Variants in NBEA observed in about 807,000 individuals in gnomAD.
NBEA encodes lysosomal-trafficking regulator 2.
NBEA carries 44 observed loss-of-function variants against 343.4 expected under a neutral mutation model. That is an observed-to-expected ratio of 0.13 (90% confidence interval 0.10 to 0.16). The LOEUF is 0.16. NBEA is among the 10% of genes least tolerant of loss of function. The pLI is 1.00. For synonymous variants in NBEA, 1,175 were observed against 1,238.7 expected (o/e 0.95, Z 1.08); for missense variants, 2,555 against 3,631.3 (o/e 0.70, Z 7.62).
intron 38 of NBEA, among the ~76,000 whole-genome samples, chr13:35,361,989 C>T (rs1183570482): frequency 6.6e-6 from 1 of 151,744 alleles, no homozygotes; most frequent in Non-Finnish European, 1.5e-5. Flanking sequence ...TGACTGTATG[C>T]ATTTGTCAAG....
At chr13:35,135,986 C>G (rs192804150) in intron 17 of NBEA, among the ~76,000 whole-genome samples, 27 of 151,634 alleles carry the variant, frequency 1.8e-4, no homozygotes, top group Admixed American at 1.8e-3. Context: ...TTGTGGACTT[C>G]CAGATCAAGT....
intron 1 of NBEA, among the ~76,000 whole-genome samples, chr13:34,962,782 C>T (rs1052511953): frequency 6.6e-6 from 1 of 151,954 alleles, no homozygotes; most frequent in Non-Finnish European, 1.5e-5. Flanking sequence ...AGAAGGAATT[C>T]TACCTTTACC....
At chr13:35,220,894 C>G (rs997390336) in intron 33 of NBEA, among the ~76,000 whole-genome samples, 1 of 152,102 alleles carries the variant, frequency 6.6e-6, no homozygotes, top group Non-Finnish European at 1.5e-5. Flanking sequence ...TATCTATATC[C>G]TTTCCCCCTA....
intron 51 of NBEA, among the ~76,000 whole-genome samples, chr13:35,648,129 G>C (rs565016406): frequency 1.3e-5 from 2 of 150,614 alleles, no homozygotes; most frequent in Non-Finnish European, 2.9e-5. Context: ...CTCCCAAAGC[G>C]CTGGGAATAC....
intron 38 of NBEA, among the ~76,000 whole-genome samples, chr13:35,382,229 T>C (rs1005226499): frequency 2.0e-5 from 3 of 152,112 alleles, no homozygotes; most frequent in Admixed American, 2.0e-4. Flanking sequence ...TCCCATAGAC[T>C]CTCTTCATGA....
At chr13:35,374,283 A>G (rs2041620521) in intron 38 of NBEA, among the ~76,000 whole-genome samples, 1 of 152,232 alleles carries the variant, frequency 6.6e-6, no homozygotes, top group African/African-American at 2.4e-5. Context: ...ATCAGAACAC[A>G]CATTCATTGG....
At chr13:35,285,586 G>T (rs2035366797) in intron 34 of NBEA, among the ~76,000 whole-genome samples, 1 of 152,064 alleles carries the variant, frequency 6.6e-6, no homozygotes, top group Admixed American at 6.6e-5. Flanking sequence ...CCTTTACCCT[G>T]TCCCAAATAG....
At chr13:35,327,227 A>T (rs1040356904) in intron 36 of NBEA, among the ~76,000 whole-genome samples, 5 of 152,116 alleles carry the variant, frequency 3.3e-5, no homozygotes, top group East Asian at 1.9e-4. Flanking sequence ...GAGATTTCTT[A>T]AAAAGCTTAA....
chr13:35,624,907 G>A (rs149697003), intron 48 of NBEA, among the ~76,000 whole-genome samples: 115 of 151,992 alleles, frequency 7.6e-4, no homozygotes, highest in Non-Finnish European at 1.5e-3. Flanking sequence ...TGTAAATAAC[G>A]GCAGCTTTAT....
chr13:35,278,362 C>T (rs2034793117), intron 34 of NBEA, among the ~76,000 whole-genome samples: 2 of 151,938 alleles, frequency 1.3e-5, no homozygotes, highest in South Asian at 4.1e-4. Flanking sequence ...GTAAGTTTAA[C>T]ACATGGCAAT....
At chr13:35,595,270 G>A (rs1276458250) in intron 47 of NBEA, among the ~76,000 whole-genome samples, 1 of 152,042 alleles carries the variant, frequency 6.6e-6, no homozygotes, top group African/African-American at 2.4e-5. Flanking sequence ...AAAGACCAAT[G>A]TGGATATCAC....
intron 40 of NBEA, among the ~76,000 whole-genome samples, chr13:35,471,264 C>T (rs1307667255): frequency 1.3e-5 from 2 of 152,144 alleles, no homozygotes; most frequent in East Asian, 3.9e-4. Context: ...GGCCGCCTCT[C>T]CCGAGCCCGG....
intron 26 of NBEA, 60 bp downstream of exon 26, chr13:35,171,512 G>A: frequency 7.4e-7 from 1 of 1,349,028 alleles, no homozygotes; most frequent in Non-Finnish European, 1.0e-6. Flanking sequence ...GCTTTATAAA[G>A]CACTATGGTA....
chr13:34,952,955 G>A (rs2059392579), intron 1 of NBEA, among the ~76,000 whole-genome samples: 1 of 152,078 alleles, frequency 6.6e-6, no homozygotes, highest in East Asian at 1.9e-4. Flanking sequence ...AGGTTAAGGA[G>A]CTTGTCCAAG....
intron 41 of NBEA, among the ~76,000 whole-genome samples, chr13:35,484,263 T>C (rs982157198): frequency 7.3e-6 from 1 of 136,774 alleles, no homozygotes; most frequent in African/African-American, 2.9e-5. Flanking sequence ...TGTGTGTGTG[T>C]GTGTGTGTGT....
At chr13:35,433,048 A>C (rs971416119) in intron 39 of NBEA, among the ~76,000 whole-genome samples, 9 of 152,248 alleles carry the variant, frequency 5.9e-5, no homozygotes, top group African/African-American at 1.9e-4. Flanking sequence ...AAGTTTGAAA[A>C]AGATGGTCTC....
chr13:35,125,908 T>C (rs1413031846), intron 17 of NBEA, among the ~76,000 whole-genome samples: 1 of 152,176 alleles, frequency 6.6e-6, no homozygotes, highest in East Asian at 1.9e-4. Flanking sequence ...GTAATCCAGC[T>C]ACTCCGGAGG....
chr13:35,030,388 T>G (rs547900299), intron 1 of NBEA, among the ~76,000 whole-genome samples: 30 of 151,428 alleles, frequency 2.0e-4, no homozygotes, highest in African/African-American at 7.2e-4. Context: ...TCTCTTTCTT[T>G]CTTTCTTAAA....
chr13:35,000,240 A>G (rs2061081381), intron 1 of NBEA, among the ~76,000 whole-genome samples: 1 of 152,158 alleles, frequency 6.6e-6, no homozygotes, highest in Non-Finnish European at 1.5e-5. Context: ...CCAGGAGAAA[A>G]TAATGGGATA....
Sources: allele counts gnomAD v4.1 joint callset (sites outside exome capture counted in the v4.1 genomes callset), GRCh38; gene constraint gnomAD v4.1.1; transcripts MANE v1.5; gene names NCBI Gene and HGNC (gene_info 2026-07-23, HGNC 2026-07-21).